Variants in SASH1 observed in about 807,000 individuals in gnomAD.
The protein encoded by SASH1 is SAM and SH3 domain-containing protein 1.
A neutral mutation model predicts 125.2 loss-of-function variants in SASH1; 44 were observed. That is an observed-to-expected ratio of 0.35 (90% CI 0.28 to 0.45). The LOEUF is 0.45. Ranked by LOEUF, SASH1 falls within the 20% of genes least tolerant of loss-of-function variation. The pLI is 1.00. For synonymous variants in SASH1, 639 were observed against 649.1 expected (o/e 0.98, Z 0.24); for missense variants, 1,426 against 1,614.5 (o/e 0.88, Z 2.00).
chr6:148,394,633 A>G (rs188343074), intron 2 of SASH1, among the ~76,000 whole-genome samples: 2 of 151,000 alleles, frequency 1.3e-5, no homozygotes, highest in Non-Finnish European at 3.0e-5. Context: ...CTCTTTCTCT[A>G]TCTCTCTCTC....
intron 4 of SASH1, among the ~76,000 whole-genome samples, chr6:148,456,680 G>A (rs1189669168): frequency 6.6e-6 from 1 of 151,950 alleles, no homozygotes; most frequent in East Asian, 1.9e-4. Flanking sequence ...GGGCAACATG[G>A]CGAAATCCTG....
At chr6:148,214,252 C>A in the SASH1 span, among the ~76,000 whole-genome samples, 1 of 152,010 alleles carries the variant, frequency 6.6e-6, no homozygotes, top group Non-Finnish European at 1.5e-5. Flanking sequence ...TGCATGTTGA[C>A]GTGAAGTTAA....
chr6:148,307,096 C>CTTTCTTTCTT (rs1227666861), intron 1 of SASH1, among the ~76,000 whole-genome samples: 1 of 133,786 alleles, frequency 7.5e-6, no homozygotes, highest in African/African-American at 2.9e-5. Context: ...TTCTTTCTTT[C>CTTTCTTTCTT]TCTCTCTCTG....
At chr6:148,384,932 G>T (rs553029917) in intron 1 of SASH1, among the ~76,000 whole-genome samples, 1 of 152,236 alleles carries the variant, frequency 6.6e-6, no homozygotes, top group East Asian at 1.9e-4. Context: ...CCTGAATTTT[G>T]AGTGGGTAAA....
intron 8 of SASH1, among the ~76,000 whole-genome samples, chr6:148,503,296 C>T (rs140350723): frequency 1.4e-5 from 2 of 145,930 alleles, no homozygotes; most frequent in Non-Finnish European, 3.0e-5. Flanking sequence ...GTCAATTCTA[C>T]AGTCGAGTCA....
intron 1 of SASH1, among the ~76,000 whole-genome samples, chr6:148,318,399 C>T (rs1780537445): frequency 6.6e-6 from 1 of 152,146 alleles, no homozygotes; most frequent in African/African-American, 2.4e-5. Flanking sequence ...AGTTCAAAAT[C>T]ATATCATCTG....
chr6:148,466,746 GT>G (rs140881873), intron 4 of SASH1, among the ~76,000 whole-genome samples: 7 of 149,576 alleles, frequency 4.7e-5, no homozygotes, highest in African/African-American at 7.4e-5. Flanking sequence ...CTTTTTAGAA[GT>G]TTTTTTTTTA....
At chr6:148,541,217 A>T (rs1468981760) in intron 17 of SASH1, among the ~76,000 whole-genome samples, 1 of 151,478 alleles carries the variant, frequency 6.6e-6, no homozygotes, top group Non-Finnish European at 1.5e-5. Context: ...ATCTCTGTCA[A>T]ACTCTTGAAG....
chr6:148,366,472 G>A (rs935897068), intron 1 of SASH1, among the ~76,000 whole-genome samples: 6 of 152,200 alleles, frequency 3.9e-5, no homozygotes, highest in South Asian at 2.1e-4. Context: ...TTGGTGGGGC[G>A]ATGGTGCATT....
chr6:148,379,974 G>A lies in SASH1; in HGVS notation c.157-10160G>A, dbSNP rs1011315940. On this transcript the variant is annotated intron_variant, in intron 1 of 19. Transcript: ENST00000367467. The stretch of plus-strand genomic sequence containing the variant: ...CGTGTGCAGCCATTTGTGAGATGCG[G>A]AACGTAGGTGCCACACAAAGAGTAT... 2.2e-5 allele frequency: 10 copies of A among 456,312 alleles called. 1 individual carries two copies. Among genetic ancestry groups the A allele is most frequent in the African/African-American group, 2.0e-4 (10 of 50,040 alleles). 28.3% of individuals were successfully genotyped at this position (456,312 alleles called of 1,614,324 possible).
At chr6:148,462,101 G>T (rs1221672463) in intron 4 of SASH1, among the ~76,000 whole-genome samples, 2 of 152,124 alleles carry the variant, frequency 1.3e-5, no homozygotes, top group Admixed American at 1.3e-4. Flanking sequence ...CTGGGATGAT[G>T]CAGGAAAAGA....
intron 2 of SASH1, among the ~76,000 whole-genome samples, chr6:148,426,921 A>G (rs6901815): frequency 0.25 from 37,798 of 151,956 alleles, 5,320 homozygotes; most frequent in African/African-American, 0.38. Context: ...GTCACTTGAG[A>G]CCAGGAGTTT....
chr6:148,403,632 G>C (rs1158908640), intron 2 of SASH1, among the ~76,000 whole-genome samples: 3 of 152,130 alleles, frequency 2.0e-5, no homozygotes, highest in South Asian at 2.1e-4. Flanking sequence ...CTGGGTGCAA[G>C]TGATTCTCCC....
chr6:148,531,683 A>C, intron 13 of SASH1, 22 bp downstream of exon 13: 3 of 1,482,614 alleles, frequency 2.0e-6, no homozygotes, highest in Middle Eastern at 1.8e-4. Flanking sequence ...TTGTCATTGT[A>C]GATTATTTTC....
chr6:148,241,202 G>A, the SASH1 span, among the ~76,000 whole-genome samples: 1 of 152,126 alleles, frequency 6.6e-6, no homozygotes, highest in African/African-American at 2.4e-5. Flanking sequence ...ATTTATTTGC[G>A]GGTTTGAGAT....
At chr6:148,423,127 C>CA (rs2114951379) in intron 2 of SASH1, among the ~76,000 whole-genome samples, 1 of 152,198 alleles carries the variant, frequency 6.6e-6, no homozygotes, top group African/African-American at 2.4e-5. Flanking sequence ...TTATTAGAGA[C>CA]AGGGTTTCAC....
At chr6:148,369,405 G>A (rs1252392998) in intron 1 of SASH1, among the ~76,000 whole-genome samples, 1 of 152,096 alleles carries the variant, frequency 6.6e-6, no homozygotes, top group Non-Finnish European at 1.5e-5. Context: ...TTTAAGAGTT[G>A]GTCATCATAG....
At chr6:148,243,629 G>A in the SASH1 span, among the ~76,000 whole-genome samples, 1 of 85,466 alleles carries the variant, frequency 1.2e-5, no homozygotes, top group Non-Finnish European at 2.2e-5. Flanking sequence ...GGCAAACAGA[G>A]TAAAACTGTG....
chr6:148,487,112 C>CATAT (rs370037960), intron 7 of SASH1, among the ~76,000 whole-genome samples: 6,498 of 120,592 alleles, frequency 0.054, 563 homozygotes, highest in East Asian at 0.36. Context: ...CACACACACA[C>CATAT]ATATATATAT....
Sources: gnomAD v4.1 joint callset for allele counts (sites outside exome capture counted in the v4.1 genomes callset) on GRCh38, gnomAD v4.1.1 for gene constraint, MANE v1.5 for transcripts, NCBI Gene and HGNC (gene_info 2026-07-23, HGNC 2026-07-21) for gene names.